PTPRT: variants seen among roughly 807,000 people sequenced by gnomAD.
PTPRT encodes protein tyrosine phosphatase receptor type T.
A neutral mutation model predicts 176.8 loss-of-function variants in PTPRT; 56 were observed. The observed-to-expected ratio is 0.32, with a 90% confidence interval of 0.26 to 0.40. The LOEUF is 0.40. Ranked by LOEUF, PTPRT falls within the 10% of genes least tolerant of loss-of-function variation. PTPRT has a pLI of 1.00. For synonymous variants in PTPRT, 783 were observed against 739.0 expected (o/e 1.06, Z -0.96); for missense variants, 1,540 against 1,908.2 (o/e 0.81, Z 3.60).
At chr20:43,102,749 T>C (rs190895103) in intron 1 of PTPRT, among the ~76,000 whole-genome samples, 47 of 152,294 alleles carry the variant, frequency 3.1e-4, no homozygotes, top group Non-Finnish European at 2.1e-4. Flanking sequence ...CTGGTACCTA[T>C]GGCAGGAGCC....
intron 7 of PTPRT, among the ~76,000 whole-genome samples, chr20:42,545,227 C>T (rs1446529217): frequency 2.0e-5 from 3 of 152,248 alleles, no homozygotes; most frequent in South Asian, 4.2e-4. Flanking sequence ...CTTGGAATTC[C>T]GTAGTACCGG....
rs990916276 is a variant in PTPRT, at chr20:42,922,028, C to T, written c.89-36096G>A. Among the ~76,000 whole-genome samples the T allele has an allele frequency of 3.9e-5, 6 of 152,162 alleles. 1 individual carries two copies. In the South Asian group the frequency reaches 8.3e-4, roughly 21 times the overall value. On this transcript the variant is annotated intron_variant, in intron 1 of 30. Transcript: ENST00000373187. ...TCAGCTCACTGCAACCTCTGCCTCCCGGGTTCAAGCAATTCTTCTGTCTCT... is the reference window on the plus strand; with the variant it reads ...TCAGCTCACTGCAACCTCTGCCTCCTGGGTTCAAGCAATTCTTCTGTCTCT...
At chr20:42,453,551 T>C (rs1474127937) in intron 8 of PTPRT, among the ~76,000 whole-genome samples, 1 of 152,094 alleles carries the variant, frequency 6.6e-6, no homozygotes, top group Admixed American at 6.6e-5. Flanking sequence ...TACTATACTA[T>C]TGAAGCACTG....
At chr20:42,330,113 A>C (rs768218847) in intron 11 of PTPRT, among the ~76,000 whole-genome samples, 2 of 152,202 alleles carry the variant, frequency 1.3e-5, no homozygotes, top group African/African-American at 2.4e-5. Flanking sequence ...TTCTAAGTAC[A>C]TGTTGAAAAG....
intron 6 of PTPRT, among the ~76,000 whole-genome samples, chr20:42,703,642 C>T (rs2076007754): frequency 6.6e-6 from 1 of 152,130 alleles, no homozygotes. Context: ...GCTTAGAGAC[C>T]ATCTAGCCTC....
intron 1 of PTPRT, among the ~76,000 whole-genome samples, chr20:43,041,300 A>G (rs1276480783): frequency 6.6e-6 from 1 of 152,244 alleles, no homozygotes; most frequent in Non-Finnish European, 1.5e-5. Flanking sequence ...TGTGGTATAA[A>G]TTCAGGGAAT....
At chr20:42,547,048 G>T (rs902567194) in intron 7 of PTPRT, among the ~76,000 whole-genome samples, 2 of 152,006 alleles carry the variant, frequency 1.3e-5, no homozygotes, top group African/African-American at 4.8e-5. Flanking sequence ...CTTGATTCAG[G>T]GTTGCCACAA....
At chr20:42,970,195 C>T (rs1982543409) in intron 1 of PTPRT, among the ~76,000 whole-genome samples, 1 of 152,176 alleles carries the variant, frequency 6.6e-6, no homozygotes, top group Non-Finnish European at 1.5e-5. Flanking sequence ...AGTCGAGGTA[C>T]AAGGCAATCC....
chr20:42,145,156 A>C (rs1988804569), intron 17 of PTPRT, among the ~76,000 whole-genome samples: 1 of 152,190 alleles, frequency 6.6e-6, no homozygotes, highest in South Asian at 2.1e-4. Context: ...AGTCACATAT[A>C]AAAATCAAAC....
intron 1 of PTPRT, among the ~76,000 whole-genome samples, chr20:43,101,755 G>A (rs1436638378): frequency 6.6e-6 from 1 of 152,158 alleles, no homozygotes; most frequent in Non-Finnish European, 1.5e-5. Flanking sequence ...TGCTGGCATG[G>A]GGCTGACTCT....
At chr20:42,807,671 G>A (rs993983280) in intron 2 of PTPRT, among the ~76,000 whole-genome samples, 4 of 152,084 alleles carry the variant, frequency 2.6e-5, no homozygotes, top group African/African-American at 4.8e-5. Flanking sequence ...AGGTGTGGGC[G>A]AAAATTCTCT....
At chr20:42,312,710 G>A (rs1325865119) in intron 12 of PTPRT, among the ~76,000 whole-genome samples, 1 of 151,852 alleles carries the variant, frequency 6.6e-6, no homozygotes, top group Non-Finnish European at 1.5e-5. Context: ...TGCATGGTGT[G>A]GAATAGAAGG....
chr20:42,702,114 G>A (rs553893422), intron 6 of PTPRT, among the ~76,000 whole-genome samples: 1 of 152,178 alleles, frequency 6.6e-6, no homozygotes, highest in South Asian at 2.1e-4. Context: ...GCTAATCACA[G>A]TCTGCACCCA....
At chr20:42,200,965 GAT>G (rs1308772796) in intron 15 of PTPRT, among the ~76,000 whole-genome samples, 2 of 152,232 alleles carry the variant, frequency 1.3e-5, no homozygotes, top group Non-Finnish European at 2.9e-5. Flanking sequence ...TCATGAAACA[GAT>G]AGTTTCAAGA....
intron 1 of PTPRT, among the ~76,000 whole-genome samples, chr20:43,056,866 GT>G (rs755178144): frequency 4.6e-5 from 7 of 152,148 alleles, no homozygotes; most frequent in Admixed American, 2.6e-4. Context: ...GTAAAGGCTA[GT>G]CTTGAAAACA....
Position 42,419,405 on chromosome 20 carries a change from T to G in PTPRT, c.1560+28815A>C, listed in dbSNP as rs569806794. ...CAGTACCAGGGCAGCAGGGGAAGGT[T>G]AGATTTTGGGGGAAACATGAACAGA... On this transcript the variant is annotated intron_variant, in intron 9 of 30. Transcript: ENST00000373187. Among the ~76,000 whole-genome samples, 42 of 152,270 alleles carry G rather than the reference T, an allele frequency of 2.8e-4. No individual in the cohort carries two copies. The South Asian group carries it at 6.4e-3, about 23-fold the overall frequency.
At chr20:42,882,942 C>T (rs142260675) in intron 2 of PTPRT, among the ~76,000 whole-genome samples, 204 of 152,226 alleles carry the variant, frequency 1.3e-3, no homozygotes, top group Non-Finnish European at 2.1e-3. Context: ...TGTGAGTTCC[C>T]GAGGCAGGAG....
chr20:42,379,270 A>C (rs2058677949), intron 9 of PTPRT, among the ~76,000 whole-genome samples: 1 of 152,238 alleles, frequency 6.6e-6, no homozygotes, highest in Admixed American at 6.5e-5. Flanking sequence ...GTCCCGGGTC[A>C]AGCCCCTTTA....
At chr20:43,156,237 C>A (rs530810538) in intron 1 of PTPRT, among the ~76,000 whole-genome samples, 1 of 152,306 alleles carries the variant, frequency 6.6e-6, no homozygotes, top group Non-Finnish European at 1.5e-5. Flanking sequence ...CAAGCTCCAC[C>A]TGCATCAGGC....
Sources: gnomAD v4.1 joint callset for allele counts (sites outside exome capture counted in the v4.1 genomes callset) on GRCh38, gnomAD v4.1.1 for gene constraint, MANE v1.5 for transcripts, NCBI Gene and HGNC (gene_info 2026-07-23, HGNC 2026-07-21) for gene names.